OPCML: variants seen among roughly 807,000 people sequenced by gnomAD.
OPCML encodes the protein opioid binding protein/cell adhesion molecule like.
OPCML carries 13 observed loss-of-function variants against 37.8 expected under a neutral mutation model. The ratio of observed to expected loss-of-function variants is 0.34; its 90% CI spans 0.22 to 0.55. The LOEUF (loss-of-function observed/expected upper bound fraction) is 0.55, where lower values mean the gene tolerates loss of function less well. Among genes scored for constraint, OPCML ranks in the 20% least tolerant of loss-of-function variants. OPCML has a pLI of 0.91. For missense variants in OPCML, 341 were observed against 435.6 expected, an observed-to-expected ratio of 0.78 and a Z score of 1.93; for synonymous variants, 176 against 168.8, an observed-to-expected ratio of 1.04 and a Z score of -0.33.
intron 1 of OPCML, among the ~76,000 whole-genome samples, chr11:133,054,000 C>T (rs538584929): frequency 1.3e-5 from 2 of 152,338 alleles, no homozygotes; most frequent in East Asian, 3.9e-4. Context: ...TTGGTAAACA[C>T]CATTGCCATT....
intron 2 of OPCML, among the ~76,000 whole-genome samples, chr11:132,738,844 C>G (rs1591538881): frequency 1.3e-5 from 2 of 152,272 alleles, no homozygotes; most frequent in East Asian, 3.9e-4. Context: ...TACCTTCAAC[C>G]TTGTATTGAA....
chr11:133,371,769 A>G (rs1057174872), intron 1 of OPCML, among the ~76,000 whole-genome samples: 1 of 152,212 alleles, frequency 6.6e-6, no homozygotes, highest in African/African-American at 2.4e-5. Flanking sequence ...TGTGAAATAG[A>G]CTAATACAAT....
chr11:133,411,158 ACCAATAGGGTC>A (rs1945643425), intron 1 of OPCML, among the ~76,000 whole-genome samples: 1 of 152,126 alleles, frequency 6.6e-6, no homozygotes, highest in Non-Finnish European at 1.5e-5. Context: ...TTCACATGGA[ACCAATAGGGTC>A]CCTCAACTTC....
chr11:133,439,354 T>C (rs533385851), intron 1 of OPCML: 1 of 983,808 alleles, frequency 1.0e-6, no homozygotes, highest in East Asian at 1.1e-4. Context: ...CAAACCAAAC[T>C]CCACCATGCC....
chr11:132,497,683 G>A (rs1230496206), intron 4 of OPCML, among the ~76,000 whole-genome samples: 1 of 152,054 alleles, frequency 6.6e-6, no homozygotes, highest in Non-Finnish European at 1.5e-5. Flanking sequence ...ACAGAAAAGA[G>A]CCCTTTTGGT....
intron 1 of OPCML, 138 bp downstream of exon 1, chr11:133,532,126 A>G (rs1948619269): frequency 1.0e-5 from 14 of 1,376,866 alleles, no homozygotes; most frequent in Admixed American, 2.1e-5. Flanking sequence ...CAGCAAGCCT[A>G]CCTCTTTCAC....
chr11:133,225,400 G>A (rs1237665367), intron 1 of OPCML, among the ~76,000 whole-genome samples: 1 of 152,148 alleles, frequency 6.6e-6, no homozygotes, highest in Non-Finnish European at 1.5e-5. Flanking sequence ...CCTACCAGCT[G>A]GGCAACCCTC....
At chr11:133,057,209 G>T (rs1206151846) in intron 1 of OPCML, among the ~76,000 whole-genome samples, 2 of 152,162 alleles carry the variant, frequency 1.3e-5, no homozygotes, top group African/African-American at 4.8e-5. Flanking sequence ...CTTAGATGTA[G>T]GTAGGTAGGA....
chr11:132,982,769 T>A (rs1946614116), intron 1 of OPCML, among the ~76,000 whole-genome samples: 1 of 152,158 alleles, frequency 6.6e-6, no homozygotes, highest in Non-Finnish European at 1.5e-5. Flanking sequence ...CTTATTAAAC[T>A]CGGATATTTT....
chr11:133,500,620 G>C (rs1444669294), intron 1 of OPCML, among the ~76,000 whole-genome samples: 1 of 152,172 alleles, frequency 6.6e-6, no homozygotes, highest in African/African-American at 2.4e-5. Context: ...AAGGCGAGGT[G>C]CCCACTAGCC....
At chr11:133,478,704 G>A (rs1234100074) in intron 1 of OPCML, among the ~76,000 whole-genome samples, 1 of 152,100 alleles carries the variant, frequency 6.6e-6, no homozygotes, top group Admixed American at 6.5e-5. Context: ...AAACTAAAAC[G>A]ATACTTTCTG....
chr11:132,508,324 C>A (rs945954499), intron 4 of OPCML, among the ~76,000 whole-genome samples: 5 of 152,146 alleles, frequency 3.3e-5, no homozygotes, highest in African/African-American at 1.2e-4. Flanking sequence ...AAAATATTGA[C>A]AAAGTTAATC....
chr11:132,496,238 T>G (rs1343127122), intron 4 of OPCML, among the ~76,000 whole-genome samples: 2 of 152,184 alleles, frequency 1.3e-5, no homozygotes, highest in Non-Finnish European at 2.9e-5. Context: ...AACGGATGGA[T>G]GTGAAAGTGG....
chr11:132,552,370 C>T (rs1369706597), intron 3 of OPCML, among the ~76,000 whole-genome samples: 1 of 152,184 alleles, frequency 6.6e-6, no homozygotes, highest in Non-Finnish European at 1.5e-5. Context: ...TGAAAATGTT[C>T]TTCCTTTATG....
intron 1 of OPCML, among the ~76,000 whole-genome samples, chr11:133,114,843 G>C (rs1657210476): frequency 2.6e-5 from 4 of 152,116 alleles, no homozygotes; most frequent in Admixed American, 1.3e-4. Context: ...GTGGTAGTTT[G>C]AGTAAAAAAT....
intron 1 of OPCML, among the ~76,000 whole-genome samples, chr11:133,161,432 G>A (rs891628715): frequency 1.7e-4 from 26 of 152,164 alleles, no homozygotes; most frequent in African/African-American, 5.8e-4. Context: ...TGAGGAAGGT[G>A]TTCTAAGAAC....
intron 2 of OPCML, among the ~76,000 whole-genome samples, chr11:132,738,940 G>C (rs1591539050): frequency 6.6e-6 from 1 of 152,080 alleles, no homozygotes; most frequent in Non-Finnish European, 1.5e-5. Flanking sequence ...GTGGCATAGA[G>C]ATGATTTTGA....
At chr11:132,616,009 G>C (rs550831417) in intron 3 of OPCML, among the ~76,000 whole-genome samples, 1 of 152,298 alleles carries the variant, frequency 6.6e-6, no homozygotes, top group East Asian at 1.9e-4. Flanking sequence ...GTCTGTTTAT[G>C]ACTACCTGGT....
chr11:133,063,886 C>A (rs969042613), intron 1 of OPCML, among the ~76,000 whole-genome samples: 1 of 152,154 alleles, frequency 6.6e-6, no homozygotes, highest in Admixed American at 6.5e-5. Context: ...TTAATACCAG[C>A]TAGATCTTCA....
Sources: gnomAD v4.1 joint callset for allele counts (sites outside exome capture counted in the v4.1 genomes callset) on GRCh38, gnomAD v4.1.1 for gene constraint, MANE v1.5 for transcripts, NCBI Gene and HGNC (gene_info 2026-07-23, HGNC 2026-07-21) for gene names.